ECPAS: variants seen among roughly 807,000 people sequenced by gnomAD.
ECPAS encodes the protein Ecm29 proteasome adaptor and scaffold, also known as proteasome adapter and scaffold protein ECM29.
A neutral mutation model predicts 255.1 loss-of-function variants in ECPAS; 70 were observed. That is an observed-to-expected ratio of 0.27 (90% CI 0.23 to 0.33). The LOEUF (loss-of-function observed/expected upper bound fraction) is 0.33, where lower values mean the gene tolerates loss of function less well. Ranked by LOEUF, ECPAS falls within the 10% of genes least tolerant of loss-of-function variation. ECPAS has a pLI of 1.00. For missense variants in ECPAS, 1,817 were observed against 2,206.4 expected, an observed-to-expected ratio of 0.82 and a Z score of 3.54; for synonymous variants, 784 against 775.0, an observed-to-expected ratio of 1.01 and a Z score of -0.19.
intron 2 of ECPAS, 22 bp from the exon 3 acceptor site, chr9:111,451,577 A>G (rs1485991357): frequency 6.6e-7 from 1 of 1,522,672 alleles, no homozygotes; most frequent in Non-Finnish European, 8.8e-7. Context: ...AAAGAAAAAA[A>G]GAGAGAACTT....
chr9:111,452,024 C>T (rs2098260920), intron 2 of ECPAS, among the ~76,000 whole-genome samples: 1 of 152,090 alleles, frequency 6.6e-6, no homozygotes, highest in African/African-American at 2.4e-5. Context: ...GAAAAATAGC[C>T]AAGTTTCCCC....
intron 7 of ECPAS, among the ~76,000 whole-genome samples, chr9:111,435,679 C>CTTT (rs1163482272): frequency 3.0e-5 from 4 of 132,590 alleles, no homozygotes; most frequent in Non-Finnish European, 3.2e-5. Context: ...TTCAGTAAAT[C>CTTT]TTTTTTTTTT....
intron 7 of ECPAS, among the ~76,000 whole-genome samples, chr9:111,434,413 A>C (rs982408314): frequency 6.6e-6 from 1 of 152,200 alleles, no homozygotes; most frequent in African/African-American, 2.4e-5. Flanking sequence ...AACAAACATT[A>C]AAAAGAATTA....
chr9:111,416,602 C>T (rs2098203949), intron 17 of ECPAS, among the ~76,000 whole-genome samples: 1 of 152,146 alleles, frequency 6.6e-6, no homozygotes, highest in Non-Finnish European at 1.5e-5. Context: ...TTCCAGACAT[C>T]TACTAATATG....
At chr9:111,402,042 C>A (rs1589148953) in intron 24 of ECPAS, among the ~76,000 whole-genome samples, 1 of 152,268 alleles carries the variant, frequency 6.6e-6, no homozygotes, top group South Asian at 2.1e-4. Flanking sequence ...AAAGTAAAGA[C>A]AGGCATAAGA....
In ECPAS at chr9:111,371,845, T is replaced by C; in HGVS notation, c.4529-16A>G. On this transcript the variant is annotated splice_polypyrimidine_tract_variant and intron_variant, in intron 42 of 49. Transcript: ENST00000684092. ...CCAAAGGATCCTAGGAAAGCAAAAT[T>C]AAAACAACTTTTAAGTGACAAGAAA... 1.3e-6 allele frequency: 2 copies of C among 1,586,546 alleles called. No individual in the cohort carries two copies. The highest frequency in any genetic ancestry group is 1.7e-6 in the Non-Finnish European group (2 of 1,162,068).
chr9:111,361,856 A>T lies in ECPAS; in HGVS notation c.*174T>A, dbSNP rs557956349. ...CTCAGCCCAGATACTTTAAAAACAT[A>T]AAGTAAAATAAAGCTAATAAGGAAC... is the stretch of plus-strand genomic sequence containing the variant. On this transcript the variant is annotated 3_prime_UTR_variant, in exon 50 of 50. Transcript: ENST00000684092. 5.7e-6 allele frequency: 4 copies of T among 700,896 alleles called. No homozygotes were observed. Among genetic ancestry groups the T allele is most frequent in the African/African-American group, 5.5e-5 (3 of 54,776 alleles). The allele number at this position is 700,896 out of a possible 1,614,324, so 43.4% of individuals were successfully genotyped here. A position where few individuals can be genotyped will look rare whatever the true frequency, so the allele number is the denominator to read the frequency against.
chr9:111,392,024 A>G (rs937105071), intron 28 of ECPAS, among the ~76,000 whole-genome samples, 200 bp from the exon 29 acceptor site: 1 of 152,176 alleles, frequency 6.6e-6, no homozygotes, highest in Non-Finnish European at 1.5e-5. Flanking sequence ...GTGGATCACT[A>G]GGTCAGGAGT....
chr9:111,484,058 A>C, intron 1 of ECPAS, 58 bp downstream of exon 1: 1 of 1,125,018 alleles, frequency 8.9e-7, no homozygotes, highest in Non-Finnish European at 1.1e-6. Context: ...GGCCCGGCCT[A>C]ACCGCGCCGC....
chr9:111,469,757 C>T (rs2098284477), intron 2 of ECPAS, among the ~76,000 whole-genome samples: 1 of 151,592 alleles, frequency 6.6e-6, no homozygotes, highest in Admixed American at 6.6e-5. Context: ...TGCAGTGAGC[C>T]GAGATCGCGC....
intron 1 of ECPAS, among the ~76,000 whole-genome samples, chr9:111,479,174 A>G (rs1313293542): frequency 1.3e-5 from 2 of 152,230 alleles, no homozygotes; most frequent in Non-Finnish European, 2.9e-5. Flanking sequence ...GGAATAATAC[A>G]TACAAAGCAT....
At chr9:111,367,847 A>G (rs2098122329) in intron 46 of ECPAS, among the ~76,000 whole-genome samples, 1 of 152,090 alleles carries the variant, frequency 6.6e-6, no homozygotes, top group East Asian at 1.9e-4. Flanking sequence ...CAGGAGTTTG[A>G]GACCAACCTG....
intron 2 of ECPAS, among the ~76,000 whole-genome samples, chr9:111,471,161 GCAGTTGT>G (rs1323612683): frequency 6.6e-6 from 1 of 152,150 alleles, no homozygotes; most frequent in Non-Finnish European, 1.5e-5. Flanking sequence ...TTAAATCCTA[GCAGTTGT>G]AGCTTCACTT....
At chr9:111,479,493 T>TG (rs2098300852) in intron 1 of ECPAS, among the ~76,000 whole-genome samples, 3 of 151,828 alleles carry the variant, frequency 2.0e-5, no homozygotes. Context: ...CTCGGGAGAC[T>TG]GAGGCAGAAG....
At chr9:111,416,669 A>T (rs1279260308) in intron 17 of ECPAS, among the ~76,000 whole-genome samples, 2 of 152,330 alleles carry the variant, frequency 1.3e-5, no homozygotes, top group East Asian at 3.9e-4. Flanking sequence ...GTAGGAGGAA[A>T]CTACAAGCAG....
Position 111,472,936 on chromosome 9 carries a change from C to T in ECPAS, c.-18G>A. On this transcript the variant is annotated 5_prime_UTR_variant, in exon 2 of 50. Transcript: ENST00000684092. ...TGATACATGGTTTATCCAATCTTGA[C>T]AAAAATCCTCGGGATCACCAATGGT... is the stretch of plus-strand genomic sequence containing the variant. 2 of 1,249,132 alleles carry T rather than the reference C, an allele frequency of 1.6e-6. No homozygotes were observed. Among genetic ancestry groups the T allele is most frequent in the Non-Finnish European group, 2.1e-6 (2 of 968,728 alleles). The allele number at this position is 1,249,132 out of a possible 1,614,324, so 77.4% of individuals were successfully genotyped here. A position where few individuals can be genotyped will look rare whatever the true frequency, so the allele number is the denominator to read the frequency against.
At position 111,425,717 on chromosome 9, in the gene ECPAS, T is replaced by C. The variant is rs776176010; in HGVS notation, c.1136+26A>G. On this transcript the variant is annotated intron_variant, in intron 11 of 49. Coordinates refer to ENST00000684092, the MANE Select transcript of ECPAS (RefSeq NM_001364929.1). ...AATCATTCCAGCAGCTTGAAAACTTTATAGTTAAAATAGTTAAAGACTTAC... is the reference window on the plus strand; with the variant it reads ...AATCATTCCAGCAGCTTGAAAACTTCATAGTTAAAATAGTTAAAGACTTAC... 5 of 1,346,508 alleles carry C rather than the reference T, an allele frequency of 3.7e-6. No homozygotes were observed. The South Asian group carries it at 5.0e-5, about 14-fold the overall frequency. 83.4% of individuals were successfully genotyped at this position (1,346,508 alleles called of 1,614,324 possible).
intron 36 of ECPAS, 35 bp downstream of exon 36, chr9:111,378,545 T>C (rs1208869138): frequency 1.6e-5 from 25 of 1,590,832 alleles, no homozygotes; most frequent in Non-Finnish European, 1.7e-5. Flanking sequence ...TCTTCCCTCA[T>C]GATACTTACC....
chr9:111,401,101 T>C (rs1173980672), intron 24 of ECPAS, among the ~76,000 whole-genome samples: 3 of 152,098 alleles, frequency 2.0e-5, no homozygotes, highest in African/African-American at 7.2e-5. Flanking sequence ...TGAAATAACA[T>C]ATTCAAAGTG....
Sources: gnomAD v4.1 joint callset for allele counts (sites outside exome capture counted in the v4.1 genomes callset) on GRCh38, gnomAD v4.1.1 for gene constraint, MANE v1.5 for transcripts, NCBI Gene and HGNC (gene_info 2026-07-23, HGNC 2026-07-21) for gene names.